DCUN1D4: variants seen among roughly 807,000 people sequenced by gnomAD.
DCUN1D4 encodes the protein DCN1-like protein 4.
In DCUN1D4, 22 loss-of-function variants were observed where a neutral mutation model predicts 47.9. The observed-to-expected ratio is 0.46, with a 90% CI of 0.33 to 0.66. The LOEUF is 0.66. DCUN1D4 is among the 30% of genes least tolerant of loss of function. The pLI, the probability that DCUN1D4 is intolerant of heterozygous loss-of-function variation, is 0.02. For synonymous variants in DCUN1D4, 121 were observed against 112.2 expected, an observed-to-expected ratio of 1.08 and a Z score of -0.50; for missense variants, 301 against 340.8, an observed-to-expected ratio of 0.88 and a Z score of 0.92.
chr4:51,880,790 A>G (rs1032209516), intron 5 of DCUN1D4, among the ~76,000 whole-genome samples: 1 of 152,034 alleles, frequency 6.6e-6, no homozygotes, highest in African/African-American at 2.4e-5. Context: ...GGAAGTGTTT[A>G]TTTAGACCTT....
intron 8 of DCUN1D4, among the ~76,000 whole-genome samples, chr4:51,905,962 G>C (rs1732827453): frequency 6.6e-6 from 1 of 152,154 alleles, no homozygotes; most frequent in South Asian, 2.1e-4. Flanking sequence ...AACAAAGTTA[G>C]GAGAAACTGC....
chr4:51,892,461 T>C (rs1055327705), intron 7 of DCUN1D4, among the ~76,000 whole-genome samples: 2 of 152,244 alleles, frequency 1.3e-5, no homozygotes, highest in Non-Finnish European at 2.9e-5. Flanking sequence ...GCATCTGGTT[T>C]ATACTTAGTG....
chr4:51,886,692 A>G (rs1729528344), intron 6 of DCUN1D4, 54 bp downstream of exon 6: 2 of 1,387,490 alleles, frequency 1.4e-6, no homozygotes, highest in Admixed American at 1.7e-5. Context: ...TCATACTTAA[A>G]TCTTTGTTCT....
chr4:51,863,116 A>C (rs1042483284), intron 1 of DCUN1D4, among the ~76,000 whole-genome samples: 3 of 152,234 alleles, frequency 2.0e-5, no homozygotes, highest in Non-Finnish European at 4.4e-5. Context: ...AAGAGAGGGG[A>C]AAGTGAACAT....
chr4:51,874,310 A>G lies in DCUN1D4; in HGVS notation c.176A>G (p.Lys59Arg), dbSNP rs1362286741. 6.2e-7 allele frequency: 1 copy of G among 1,613,562 alleles called. No homozygotes were observed. Among genetic ancestry groups the G allele is most frequent in the East Asian group, 2.2e-5 (1 of 44,848 alleles). Residue 59 changes from lysine (K) to arginine (R), a missense_variant, in exon 4 of 11, where the codon AAA (lysine) becomes AGA (arginine). Lys to Arg is a conservative substitution (Grantham distance 26). This residue lies in a region of DCUN1D4 where 131 missense variants were observed against 106.3 expected (regional missense o/e 1.23). Coordinates refer to ENST00000334635, the MANE Select transcript of DCUN1D4 (RefSeq NM_001040402.3). Reference protein sequence around the residue: ...RSCSSSDCFNKVMPPRKKRRP... With the variant: ...RSCSSSDCFNRVMPPRKKRRP... ...TGCAGTTCTTCAGACTGCTTTAATA[A>G]AGTGATGCCACCAAGGAAAAAGAGA... is the stretch of plus-strand genomic sequence containing the variant.
At chr4:51,873,520 AG>A (rs1356169776) in intron 3 of DCUN1D4, among the ~76,000 whole-genome samples, 1 of 152,200 alleles carries the variant, frequency 6.6e-6, no homozygotes, top group Admixed American at 6.5e-5. Context: ...TATCTGCATA[AG>A]GCAATAATAG....
intron 1 of DCUN1D4, among the ~76,000 whole-genome samples, chr4:51,859,585 C>T (rs1724696269): frequency 8.7e-6 from 1 of 115,540 alleles, no homozygotes; most frequent in Admixed American, 1.3e-4. Flanking sequence ...CCCTCAATGG[C>T]ATTCATTTTT....
chr4:51,891,713 A>T (rs750612283), intron 6 of DCUN1D4, 47 bp from the exon 7 acceptor site: 1 of 1,437,228 alleles, frequency 7.0e-7, no homozygotes, highest in Non-Finnish European at 9.6e-7. Flanking sequence ...TTTTCTTTTT[A>T]ATTTGTGTAA....
intron 7 of DCUN1D4, among the ~76,000 whole-genome samples, chr4:51,894,918 A>G (rs2110078622): frequency 6.6e-6 from 1 of 152,262 alleles, no homozygotes; most frequent in East Asian, 1.9e-4. Flanking sequence ...GGAGGCCCAG[A>G]AGTTCAAGAC....
chr4:51,906,578 C>A (rs1232917797), intron 8 of DCUN1D4, among the ~76,000 whole-genome samples: 1 of 152,180 alleles, frequency 6.6e-6, no homozygotes, highest in African/African-American at 2.4e-5. Context: ...CACTCATACA[C>A]TCTCCTCACA....
At chr4:51,905,759 C>T (rs1296089926) in intron 8 of DCUN1D4, among the ~76,000 whole-genome samples, 7 of 151,996 alleles carry the variant, frequency 4.6e-5, no homozygotes, top group Non-Finnish European at 7.4e-5. Context: ...GGAGGGTGTG[C>T]GCTGATCAGC....
At chr4:51,892,709 C>A (rs1168099761) in intron 7 of DCUN1D4, among the ~76,000 whole-genome samples, 1 of 152,180 alleles carries the variant, frequency 6.6e-6, no homozygotes, top group Non-Finnish European at 1.5e-5. Context: ...TGCTCAGTTT[C>A]ATTCAAGAAA....
intron 4 of DCUN1D4, among the ~76,000 whole-genome samples, chr4:51,876,355 G>C (rs1341645877): frequency 6.6e-6 from 1 of 151,782 alleles, no homozygotes; most frequent in East Asian, 1.9e-4. Context: ...CTCATAGGTG[G>C]GAATTGAACA....
chr4:51,842,712 G>C (rs541016568), upstream of DCUN1D4, among the ~76,000 whole-genome samples: 4 of 152,282 alleles, frequency 2.6e-5, no homozygotes, highest in Admixed American at 1.3e-4. Flanking sequence ...CAGCTGGTAC[G>C]AGCCGCCCCC....
At position 51,869,123 on chromosome 4, in the gene DCUN1D4, CA is replaced by C. The variant is rs531280197; in HGVS notation, c.137-5126del. Among the ~76,000 whole-genome samples, 144 of 38,568 alleles carry C rather than the reference CA, an allele frequency of 3.7e-3. No individual in the cohort carries two copies. The South Asian group carries it at 0.041, about 11-fold the overall frequency. 25.3% of individuals were successfully genotyped at this position (38,568 alleles called of 152,430 possible). On this transcript the variant is annotated intron_variant, in intron 3 of 10. Transcript: ENST00000334635. ...TAGGCTACAGAGGGAGACTCCATCTCAAAAAAAAAAAAAAAAAAAAAAGTCA... is the reference window on the plus strand; with the variant it reads ...TAGGCTACAGAGGGAGACTCCATCTCAAAAAAAAAAAAAAAAAAAAAGTCA...
Position 51,916,063 on chromosome 4 carries a change from A to C in DCUN1D4, c.*2479A>C, listed in dbSNP as rs1560532131. 1 of 152,116 alleles carries C rather than the reference A, an allele frequency of 6.6e-6. No homozygotes were observed. The highest frequency in any genetic ancestry group is 1.5e-5 in the Non-Finnish European group (1 of 67,992). 9.4% of individuals were successfully genotyped at this position (152,116 alleles called of 1,614,324 possible). On this transcript the variant is annotated 3_prime_UTR_variant, in exon 11 of 11. Transcript: ENST00000334635. The stretch of plus-strand genomic sequence containing the variant: ...TTCTCTAAGTTGCACAAAACTGAAC[A>C]ATCATCAAGCACTTATTTACTGGCT...
At chr4:51,863,828 G>T in intron 3 of DCUN1D4, 119 bp downstream of exon 3, 1 of 1,081,770 alleles carries the variant, frequency 9.2e-7, no homozygotes, top group Non-Finnish European at 1.3e-6. Context: ...ATTGTTCCTT[G>T]GCTGAGGTTG....
At chr4:51,848,224 T>C (rs1577827568) in intron 1 of DCUN1D4, 1 of 1,289,320 alleles carries the variant, frequency 7.8e-7, no homozygotes, top group Non-Finnish European at 1.0e-6. Context: ...TTAGAGAATG[T>C]GGCGTGGAGA....
intron 8 of DCUN1D4, among the ~76,000 whole-genome samples, chr4:51,906,248 G>A (rs1297105609): frequency 6.6e-6 from 1 of 152,100 alleles, no homozygotes; most frequent in Non-Finnish European, 1.5e-5. Context: ...TTCTGAGGCT[G>A]TGTTTCAGGA....
Sources: gnomAD v4.1 joint callset for allele counts (sites outside exome capture counted in the v4.1 genomes callset) on GRCh38, gnomAD v4.1.1 for gene constraint, gnomAD v4.1.1 regional missense constraint, MANE v1.5 for transcripts, NCBI Gene and HGNC (gene_info 2026-07-23, HGNC 2026-07-21) for gene names.